ALDH1A2: variants seen among roughly 807,000 people sequenced by gnomAD.
The protein encoded by ALDH1A2 is retinal dehydrogenase 2.
Under a neutral mutation model 60.3 loss-of-function variants are expected in ALDH1A2, and 27 were observed. That is an observed-to-expected ratio of 0.45 (90% CI 0.33 to 0.62). The LOEUF is 0.62. Ranked by LOEUF, ALDH1A2 falls within the 20% of genes least tolerant of loss-of-function variation. The probability of loss-of-function intolerance (pLI) is 0.02; values close to 1 mark genes in which losing one functional copy is unlikely to be tolerated. For missense variants in ALDH1A2, 581 were observed against 643.8 expected, an observed-to-expected ratio of 0.90 and a Z score of 1.06; for synonymous variants, 289 against 232.4, an observed-to-expected ratio of 1.24 and a Z score of -2.21.
intron 1 of ALDH1A2, among the ~76,000 whole-genome samples, chr15:58,034,528 C>T (rs1407905827): frequency 6.6e-6 from 1 of 151,608 alleles, no homozygotes; most frequent in African/African-American, 2.4e-5. Context: ...AGGGGGTAGC[C>T]TGTCTTGATC....
chr15:58,014,816 G>C (rs1403049203), intron 1 of ALDH1A2, among the ~76,000 whole-genome samples: 1 of 152,206 alleles, frequency 6.6e-6, no homozygotes, highest in African/African-American at 2.4e-5. Context: ...GTAAATCCAA[G>C]TTAGATTTAT....
intron 1 of ALDH1A2, among the ~76,000 whole-genome samples, chr15:58,064,280 C>T (rs1352575721): frequency 6.6e-6 from 1 of 152,152 alleles, no homozygotes; most frequent in African/African-American, 2.4e-5. Flanking sequence ...AACGACCTCT[C>T]ATTAAAACGG....
intron 7 of ALDH1A2, among the ~76,000 whole-genome samples, chr15:57,969,641 T>TA (rs569682020): frequency 9.6e-4 from 146 of 152,348 alleles, no homozygotes; most frequent in Non-Finnish European, 1.7e-3. Flanking sequence ...TACTTGATGA[T>TA]ACCAAGTCCT....
intron 12 of ALDH1A2, 102 bp from the exon 13 acceptor site, chr15:57,955,371 G>C (rs1893485258): frequency 8.6e-7 from 1 of 1,157,034 alleles, no homozygotes; most frequent in Non-Finnish European, 1.3e-6. Context: ...CCTGCGAACA[G>C]CAAGTCCTGG....
At chr15:57,990,820 G>GAGAC (rs1419025290) in intron 7 of ALDH1A2, among the ~76,000 whole-genome samples, 1 of 144,078 alleles carries the variant, frequency 6.9e-6, no homozygotes, top group African/African-American at 2.6e-5. Context: ...AGGTTGCTGT[G>GAGAC]AGACAAGATT....
intron 1 of ALDH1A2, 190 bp downstream of exon 1, chr15:58,065,340 CCTCA>C: frequency 1.5e-6 from 1 of 659,402 alleles, no homozygotes; most frequent in Non-Finnish European, 2.7e-6. Flanking sequence ...CCCAAGGCGT[CCTCA>C]GACCACGGCG....
intron 1 of ALDH1A2, among the ~76,000 whole-genome samples, chr15:58,054,556 A>G (rs1189623820): frequency 1.3e-5 from 2 of 152,148 alleles, no homozygotes; most frequent in Admixed American, 1.3e-4. Context: ...CTCATAAGAG[A>G]CAAGATGGAA....
chr15:57,957,769 G>C (rs1415444869), intron 12 of ALDH1A2, among the ~76,000 whole-genome samples: 30 of 152,182 alleles, frequency 2.0e-4, no homozygotes, highest in Admixed American at 2.0e-3. Context: ...GACTCACTCA[G>C]ACTTGCTCAT....
At chr15:58,001,794 T>A (rs1334573295) in intron 4 of ALDH1A2, among the ~76,000 whole-genome samples, 1 of 151,858 alleles carries the variant, frequency 6.6e-6, no homozygotes, top group Admixed American at 6.6e-5. Context: ...GTTTTGGATC[T>A]TCTTAGCAAA....
At chr15:58,011,318 T>C (rs574484603) in intron 3 of ALDH1A2, among the ~76,000 whole-genome samples, 1 of 152,346 alleles carries the variant, frequency 6.6e-6, no homozygotes, top group African/African-American at 2.4e-5. Flanking sequence ...GTTAACAACT[T>C]AAAGGCTGGT....
intron 1 of ALDH1A2, among the ~76,000 whole-genome samples, chr15:58,044,180 T>G (rs1221972046): frequency 1.3e-5 from 2 of 151,982 alleles, no homozygotes; most frequent in African/African-American, 4.8e-5. Context: ...GGGATACATG[T>G]ATAGAATGTG....
chr15:57,979,906 A>C (rs1054302993), intron 7 of ALDH1A2: 60 of 359,418 alleles, frequency 1.7e-4, no homozygotes, highest in Non-Finnish European at 3.2e-4. Flanking sequence ...GCCCATCTGC[A>C]GGGACATGGA....
In ALDH1A2 at chr15:57,954,916, C is replaced by G. The variant is rs1397867921; in HGVS notation, c.*281G>C. ...CAGCTCCCTTATTTCATCCTGTGCT[C>G]CAGAAGGAGATACTGGATGTGTCTG... On this transcript the variant is annotated 3_prime_UTR_variant, in exon 13 of 13. Coordinates refer to ENST00000249750, the MANE Select transcript of ALDH1A2 (RefSeq NM_003888.4). The G allele has an allele frequency of 2.7e-5, 14 of 522,516 alleles. No individual in the cohort carries two copies. The highest frequency in any genetic ancestry group is 6.3e-5 in the Admixed American group (2 of 31,690). The allele number at this position is 522,516 out of a possible 1,614,324, so 32.4% of individuals were successfully genotyped here.
chr15:58,056,210 A>G (rs1437030589), intron 1 of ALDH1A2, among the ~76,000 whole-genome samples: 1 of 152,160 alleles, frequency 6.6e-6, no homozygotes, highest in Non-Finnish European at 1.5e-5. Context: ...TGTGGAACAC[A>G]GCACTGTTCT....
intron 9 of ALDH1A2, among the ~76,000 whole-genome samples, chr15:57,962,645 T>C (rs1893762856): frequency 1.3e-5 from 2 of 152,130 alleles, no homozygotes. Context: ...TATTACACTT[T>C]TAGAGGAACT....
chr15:57,978,355 A>G (rs1425097903), intron 7 of ALDH1A2, among the ~76,000 whole-genome samples: 1 of 152,180 alleles, frequency 6.6e-6, no homozygotes. Context: ...TAATTGAGAT[A>G]TGGTCCATCA....
chr15:58,048,915 T>C lies in ALDH1A2; in HGVS notation c.117+16619A>G, dbSNP rs182090194. 3.3e-5 allele frequency among the ~76,000 whole-genome samples: 5 copies of C among 151,700 alleles called. No homozygotes were observed. In the East Asian group the frequency reaches 5.8e-4, roughly 18 times the overall value. On this transcript the variant is annotated intron_variant, in intron 1 of 12. Coordinates refer to ENST00000249750, the MANE Select transcript of ALDH1A2 (RefSeq NM_003888.4). ...ATCCCCACAGTCAAGATAATGAATA[T>C]ATCCATTCCCCACCCCACCCCACAA...
chr15:57,971,207 C>T (rs565971610), intron 7 of ALDH1A2, among the ~76,000 whole-genome samples: 14 of 152,224 alleles, frequency 9.2e-5, no homozygotes, highest in African/African-American at 3.4e-4. Context: ...GCTGCTCCAT[C>T]TACCTGCAGT....
chr15:58,056,848 T>C (rs1480724119), intron 1 of ALDH1A2, among the ~76,000 whole-genome samples: 1 of 152,080 alleles, frequency 6.6e-6, no homozygotes, highest in Non-Finnish European at 1.5e-5. Flanking sequence ...ATTTCACACT[T>C]ACCAGGTTAG....
Sources: allele counts gnomAD v4.1 joint callset (sites outside exome capture counted in the v4.1 genomes callset), GRCh38; gene constraint gnomAD v4.1.1; transcripts MANE v1.5; gene names NCBI Gene and HGNC (gene_info 2026-07-23, HGNC 2026-07-21).